The following HIVEP3 variants were observed in gnomAD, a reference collection of about 807,000 sequenced individuals.
HIVEP3 encodes HIVEP zinc finger 3, also known as transcription factor HIVEP3.
A neutral mutation model predicts 152.8 loss-of-function variants in HIVEP3; 49 were observed. That is an observed-to-expected ratio of 0.32 (90% confidence interval 0.26 to 0.41). The LOEUF is 0.41. Ranked by LOEUF, HIVEP3 falls within the 10% of genes least tolerant of loss-of-function variation. HIVEP3 has a pLI of 1.00. For synonymous variants in HIVEP3, 1,269 were observed against 1,289.0 expected (o/e 0.98, Z 0.33); for missense variants, 2,790 against 3,103.3 (o/e 0.90, Z 2.40).
chr1:41,917,709 G>A (rs1644892274), intron 1 of HIVEP3, among the ~76,000 whole-genome samples: 1 of 152,156 alleles, frequency 6.6e-6, no homozygotes, highest in Non-Finnish European at 1.5e-5. Context: ...GCATAACTTG[G>A]AGGGGACACT....
At chr1:41,888,024 A>T (rs11210539) in intron 1 of HIVEP3, among the ~76,000 whole-genome samples, 55,585 of 150,034 alleles carry the variant, frequency 0.37, 10,508 homozygotes, top group East Asian at 0.58. Flanking sequence ...CTCTACTGTT[A>T]AGCCCAGCTG....
intron 1 of HIVEP3, among the ~76,000 whole-genome samples, chr1:41,844,924 C>T (rs1485239900): frequency 2.6e-5 from 4 of 152,342 alleles, no homozygotes; most frequent in Admixed American, 1.3e-4. Flanking sequence ...GGGCAGAGGT[C>T]ACCAGGAACA....
At chr1:41,976,820 T>C (rs1482012452) in intron 1 of HIVEP3, among the ~76,000 whole-genome samples, 2 of 152,202 alleles carry the variant, frequency 1.3e-5, no homozygotes, top group Non-Finnish European at 1.5e-5. Flanking sequence ...GCAGTAGTTA[T>C]GCTGCCACAA....
chr1:41,581,695 C>T lies in HIVEP3; in HGVS notation c.3103G>A (p.Val1035Met). 1 of 1,613,770 alleles carries T rather than the reference C, an allele frequency of 6.2e-7. No homozygotes were observed. The highest frequency in any genetic ancestry group is 8.5e-7 in the Non-Finnish European group (1 of 1,179,858). Residue 1035 changes from valine (V) to methionine (M), a missense_variant, in exon 4 of 9, where the codon GTG becomes ATG. Val to Met is a conservative substitution (Grantham distance 21, BLOSUM62 1). Coordinates refer to ENST00000372583, the MANE Select transcript of HIVEP3 (RefSeq NM_024503.5). This position sits in a 1 kb window ranked among gnomAD's most constrained non-coding sequence, Gnocchi z 4.5. ...CATTTTCTTCTCTCTGGCGGGGCCA[C>T]CCGCGCTGGTGGAGCCACTGGGGCT... ...APAPVAPPAR[V>M]APPERRKCFL...
At chr1:41,889,131 C>A (rs758878381) in intron 1 of HIVEP3, among the ~76,000 whole-genome samples, 1 of 149,674 alleles carries the variant, frequency 6.7e-6, no homozygotes, top group Non-Finnish European at 1.5e-5. Flanking sequence ...CACACACACA[C>A]CCCCCACATA....
chr1:41,591,899 G>A (rs575899854), intron 3 of HIVEP3, among the ~76,000 whole-genome samples: 10 of 152,190 alleles, frequency 6.6e-5, no homozygotes, highest in Admixed American at 2.0e-4. Flanking sequence ...CAACGAGAGC[G>A]GGCTGGGAAG....
chr1:41,619,181 C>G (rs764483816), intron 3 of HIVEP3, among the ~76,000 whole-genome samples: 5 of 152,200 alleles, frequency 3.3e-5, no homozygotes, highest in Non-Finnish European at 7.3e-5. Flanking sequence ...TTGCTGTTCC[C>G]AGCAGGCTGA....
intron 2 of HIVEP3, among the ~76,000 whole-genome samples, chr1:41,666,002 G>A (rs1165211049): frequency 6.6e-6 from 1 of 152,164 alleles, no homozygotes; most frequent in Non-Finnish European, 1.5e-5. Context: ...GGCCTTCTGG[G>A]TTATTTATGT....
In HIVEP3 at chr1:41,585,177, G is replaced by A; in HGVS notation, c.-380C>T. The A allele has an allele frequency of 5.0e-6, 2 of 399,304 alleles. No homozygotes were observed. Among genetic ancestry groups the A allele is most frequent in the Non-Finnish European group, 8.8e-6 (2 of 226,442 alleles). 24.7% of individuals were successfully genotyped at this position (399,304 alleles called of 1,614,324 possible). ...CCCGTGTGCTATGCAAACGGTTGAA[G>A]GTTGGAGACATCTGTGTCCATGGCC... On this transcript the variant is annotated 5_prime_UTR_variant, in exon 4 of 9. Coordinates refer to ENST00000372583, the MANE Select transcript of HIVEP3 (RefSeq NM_024503.5).
chr1:41,527,115 C>T (rs1352231245), intron 5 of HIVEP3, among the ~76,000 whole-genome samples: 1 of 143,212 alleles, frequency 7.0e-6, no homozygotes, highest in Admixed American at 6.9e-5. Flanking sequence ...CCCTCACACA[C>T]CCTCTTCCTC....
At chr1:41,847,704 T>C (rs1456066194) in intron 1 of HIVEP3, 1 of 152,310 alleles carries the variant, frequency 6.6e-6, no homozygotes, top group East Asian at 1.9e-4. Context: ...GAGCTGAGGC[T>C]GGCCTCCTTC....
At chr1:42,012,430 T>TAAG (rs59915145) in intron 1 of HIVEP3, among the ~76,000 whole-genome samples, 102,991 of 151,756 alleles carry the variant, frequency 0.68, 35,589 homozygotes, top group East Asian at 0.96. Context: ...GGAGCCCTTA[T>TAAG]AAGAGGAAGA....
intron 3 of HIVEP3, among the ~76,000 whole-genome samples, chr1:41,627,300 G>C: frequency 6.6e-6 from 1 of 152,226 alleles, no homozygotes; most frequent in East Asian, 1.9e-4. Context: ...AAGTGAGAAG[G>C]ATGAGGCAGA....
intron 1 of HIVEP3, among the ~76,000 whole-genome samples, chr1:41,787,270 A>T (rs1455650643): frequency 6.6e-6 from 1 of 152,216 alleles, no homozygotes; most frequent in African/African-American, 2.4e-5. Context: ...AGTGAACTGC[A>T]GTACTTCCCA....
chr1:41,691,614 G>A (rs1052371429), intron 2 of HIVEP3, among the ~76,000 whole-genome samples: 3 of 152,188 alleles, frequency 2.0e-5, no homozygotes, highest in Non-Finnish European at 4.4e-5. Flanking sequence ...TCAGACAGTA[G>A]AGCCTCATCA....
chr1:41,673,787 G>A (rs1645913135), intron 2 of HIVEP3, among the ~76,000 whole-genome samples: 1 of 152,174 alleles, frequency 6.6e-6, no homozygotes, highest in South Asian at 2.1e-4. Context: ...AAAATGTTCA[G>A]TTTGGGAAAA....
At chr1:41,985,283 C>CCATA (rs1645315717) in intron 1 of HIVEP3, among the ~76,000 whole-genome samples, 2 of 152,176 alleles carry the variant, frequency 1.3e-5, no homozygotes. Flanking sequence ...ATTTTCCAGG[C>CCATA]CATAGTACAG....
chr1:41,677,772 C>A lies in HIVEP3; in HGVS notation c.-721+23144G>T, dbSNP rs1645979043. On this transcript the variant is annotated intron_variant, in intron 2 of 8. Transcript: ENST00000372583. Reference sequence around the variant, plus strand: ...TGAGGTTGGCTGATGCGTCTGCTTCCCCGCACATCGGGCGGTCAGGTGAGT... The same window carrying A: ...TGAGGTTGGCTGATGCGTCTGCTTCACCGCACATCGGGCGGTCAGGTGAGT... Among the ~76,000 whole-genome samples the A allele has an allele frequency of 2.6e-5, 4 of 152,200 alleles. No individual in the cohort carries two copies. The South Asian group carries it at 8.3e-4, about 31-fold the overall frequency.
intron 1 of HIVEP3, among the ~76,000 whole-genome samples, chr1:41,902,167 T>C (rs749082585): frequency 1.3e-5 from 2 of 152,182 alleles, no homozygotes; most frequent in African/African-American, 2.4e-5. Flanking sequence ...GGCAGAATCC[T>C]GGACACTAAA....
Sources: allele counts gnomAD v4.1 joint callset (sites outside exome capture counted in the v4.1 genomes callset), GRCh38; gene constraint gnomAD v4.1.1; non-coding constraint Gnocchi (gnomAD v3.1); transcripts MANE v1.5; gene names NCBI Gene and HGNC (gene_info 2026-07-23, HGNC 2026-07-21).